Variants in CRYBG3 observed in about 807,000 individuals in gnomAD.
The protein encoded by CRYBG3 is very large A-kinase anchor protein.
A neutral mutation model predicts 244.2 loss-of-function variants in CRYBG3; 127 were observed. The observed-to-expected ratio is 0.52, with a 90% CI of 0.45 to 0.60. The LOEUF (loss-of-function observed/expected upper bound fraction) is 0.60. CRYBG3 is among the 20% of genes least tolerant of loss of function. CRYBG3 has a pLI of 0.00. For synonymous variants in CRYBG3, 1,132 were observed against 1,195.8 expected, an observed-to-expected ratio of 0.95 and a Z score of 1.10; for missense variants, 3,325 against 3,442.5, an observed-to-expected ratio of 0.97 and a Z score of 0.85.
intron 7 of CRYBG3, among the ~76,000 whole-genome samples, chr3:97,881,935 A>C (rs1483591592): frequency 6.6e-6 from 1 of 150,946 alleles, no homozygotes; most frequent in Admixed American, 6.6e-5. Flanking sequence ...TTGGCTGGGC[A>C]CTGTGGCTCA....
In CRYBG3 at chr3:97,874,853, C is replaced by CA. The variant is rs1277218711; in HGVS notation, c.3660dup (p.Val1221SerfsTer25). The CA allele has an allele frequency of 6.5e-7, 1 of 1,535,638 alleles. No individual in the cohort carries two copies. The highest frequency in any genetic ancestry group is 1.4e-5 in the African/African-American group (1 of 73,120). ...AGGGAAGAACTAAAATTCAAACACA[C>CA]AGTGAGTACCTGCCAGGAGCATATA... On this transcript the variant is annotated frameshift_variant, in exon 4 of 22. Coordinates refer to ENST00000389622, the MANE Select transcript of CRYBG3 (RefSeq NM_153605.4). LOFTEE classifies it high-confidence loss of function.
At position 97,822,114 on chromosome 3, in the gene CRYBG3, C is replaced by T; in HGVS notation, c.-93C>T. 2.4e-6 allele frequency: 3 copies of T among 1,227,630 alleles called. No homozygotes were observed. Among genetic ancestry groups the T allele is most frequent in the East Asian group, 3.0e-5 (1 of 33,222 alleles). The allele number at this position is 1,227,630 out of a possible 1,614,324, so 76.0% of individuals were successfully genotyped here. A position where few individuals can be genotyped will look rare whatever the true frequency, so the allele number is the denominator to read the frequency against. ...CTCGCGTCGAGTCGGTCTGCCCTAG[C>T]CGCATCCCGCGGCGCCCGGTCGGGC... is the stretch of plus-strand genomic sequence containing the variant. On this transcript the variant is annotated 5_prime_UTR_variant, in exon 1 of 22. Transcript: ENST00000389622.
chr3:97,929,797 A>G (rs1348678845), intron 17 of CRYBG3, among the ~76,000 whole-genome samples: 1 of 151,956 alleles, frequency 6.6e-6, no homozygotes, highest in Non-Finnish European at 1.5e-5. Context: ...AATGTTTCAA[A>G]TATTTTCTGT....
chr3:97,824,220 G>A (rs2038549127), intron 1 of CRYBG3, among the ~76,000 whole-genome samples: 1 of 152,156 alleles, frequency 6.6e-6, no homozygotes, highest in Non-Finnish European at 1.5e-5. Context: ...GAATGTCCCA[G>A]TAACACAACA....
chr3:97,920,289 T>C (rs1022999349), intron 17 of CRYBG3, among the ~76,000 whole-genome samples: 13 of 151,972 alleles, frequency 8.6e-5, no homozygotes, highest in Admixed American at 7.9e-4. Flanking sequence ...GTTTCTCAGA[T>C]ACCTATTCTT....
chr3:97,934,483 T>G (rs2040137268), intron 18 of CRYBG3, among the ~76,000 whole-genome samples: 1 of 152,026 alleles, frequency 6.6e-6, no homozygotes, highest in Admixed American at 6.6e-5. Context: ...CCTGCACTGT[T>G]AGTGTTCTGG....
intron 2 of CRYBG3, among the ~76,000 whole-genome samples, chr3:97,853,143 C>T (rs1460947689): frequency 2.6e-5 from 4 of 151,994 alleles, no homozygotes; most frequent in African/African-American, 9.7e-5. Context: ...AATGTGTAGT[C>T]TTTTATCCCT....
chr3:97,943,336 G>T lies in CRYBG3; in HGVS notation c.*22G>T. 1 of 1,371,480 alleles carries T rather than the reference G, an allele frequency of 7.3e-7. No homozygotes were observed. Among genetic ancestry groups the T allele is most frequent in the South Asian group, 1.2e-5 (1 of 84,322 alleles). 85.0% of individuals were successfully genotyped at this position (1,371,480 alleles called of 1,614,324 possible). A position where few individuals can be genotyped will look rare whatever the true frequency, so the allele number is the denominator to read the frequency against. On this transcript the variant is annotated 3_prime_UTR_variant, in exon 22 of 22. Transcript: ENST00000389622. ...GTGAGAGAATCAACATCCCTAGAAA[G>T]ATCCCTAGAAAGAGCAAAGAAGGAA...
intron 11 of CRYBG3, among the ~76,000 whole-genome samples, chr3:97,893,753 G>A (rs772884300): frequency 6.6e-6 from 1 of 152,040 alleles, no homozygotes; most frequent in Non-Finnish European, 1.5e-5. Context: ...AGTATCTCTT[G>A]GTATTTGCAG....
chr3:97,838,750 T>C (rs1456176907), intron 1 of CRYBG3, among the ~76,000 whole-genome samples: 1 of 152,158 alleles, frequency 6.6e-6, no homozygotes, highest in East Asian at 1.9e-4. Context: ...CTTGTTATAA[T>C]TTAATTTTAA....
intron 2 of CRYBG3, among the ~76,000 whole-genome samples, chr3:97,849,152 G>A (rs760094026): frequency 6.6e-6 from 1 of 152,134 alleles, no homozygotes; most frequent in African/African-American, 2.4e-5. Flanking sequence ...TTTCATAGAG[G>A]TGTTTTAGAA....
Position 97,933,067 on chromosome 3 carries a change from A to G in CRYBG3, c.8242-627A>G, listed in dbSNP as rs1326379488. On this transcript the variant is annotated intron_variant, in intron 17 of 21. Coordinates refer to ENST00000389622, the MANE Select transcript of CRYBG3 (RefSeq NM_153605.4). ...ACAAGGATAGATGGTGCCTTGTTTTATCATCCCCCCAAAAGTCTCTTAACA... is the reference window on the plus strand; with the variant it reads ...ACAAGGATAGATGGTGCCTTGTTTTGTCATCCCCCCAAAAGTCTCTTAACA... 1.4e-5 allele frequency: 6 copies of G among 440,078 alleles called. No homozygotes were observed. The East Asian group carries it at 3.6e-4, about 26-fold the overall frequency. 27.3% of individuals were successfully genotyped at this position (440,078 alleles called of 1,614,324 possible). A position where few individuals can be genotyped will look rare whatever the true frequency, so the allele number is the denominator to read the frequency against.
chr3:97,823,693 C>T (rs998323680), intron 1 of CRYBG3, among the ~76,000 whole-genome samples: 1 of 152,130 alleles, frequency 6.6e-6, no homozygotes, highest in East Asian at 1.9e-4. Flanking sequence ...TGCCTGCCAC[C>T]GCCGTAACAG....
At chr3:97,822,402 G>C (rs558665397) in intron 1 of CRYBG3, 47 bp downstream of exon 1, 21 of 1,414,168 alleles carry the variant, frequency 1.5e-5, no homozygotes, top group South Asian at 1.0e-4. Flanking sequence ...ACATATTCGC[G>C]GGATGAAGGC....
chr3:97,836,773 C>G (rs2038740043), intron 1 of CRYBG3, among the ~76,000 whole-genome samples: 1 of 152,072 alleles, frequency 6.6e-6, no homozygotes, highest in African/African-American at 2.4e-5. Context: ...CAGAGCGAGC[C>G]TCAGTAATTT....
intron 1 of CRYBG3, among the ~76,000 whole-genome samples, chr3:97,841,306 A>T (rs1219201102): frequency 6.7e-6 from 1 of 150,302 alleles, no homozygotes. Flanking sequence ...ATATGTATAT[A>T]TATGTGTATA....
chr3:97,842,861 A>G (rs1374401044), intron 1 of CRYBG3, among the ~76,000 whole-genome samples: 1 of 152,168 alleles, frequency 6.6e-6, no homozygotes, highest in Non-Finnish European at 1.5e-5. Flanking sequence ...CCTTCACATA[A>G]ATAATATCTT....
chr3:97,830,914 A>G (rs188880900), intron 1 of CRYBG3, among the ~76,000 whole-genome samples: 13 of 152,210 alleles, frequency 8.5e-5, no homozygotes, highest in Middle Eastern at 3.4e-3. Context: ...TGTGCTTTCT[A>G]TACTTTTATT....
At chr3:97,899,836 G>C (rs2039685929) in intron 14 of CRYBG3, among the ~76,000 whole-genome samples, 1 of 152,146 alleles carries the variant, frequency 6.6e-6, no homozygotes, top group African/African-American at 2.4e-5. Context: ...GGCCAGTTTG[G>C]ATAATAAACC....
Sources: gnomAD v4.1 joint callset for allele counts (sites outside exome capture counted in the v4.1 genomes callset) on GRCh38, gnomAD v4.1.1 for gene constraint, MANE v1.5 for transcripts, NCBI Gene and HGNC (gene_info 2026-07-23, HGNC 2026-07-21) for gene names.